Variants in PRICKLE1 observed in about 807,000 individuals in gnomAD.
PRICKLE1 encodes prickle planar cell polarity protein 1, also known as prickle-like protein 1.
A neutral mutation model predicts 70.2 loss-of-function variants in PRICKLE1; 14 were observed. The ratio of observed to expected loss-of-function variants is 0.20; its 90% CI spans 0.13 to 0.31. The LOEUF (loss-of-function observed/expected upper bound fraction) is 0.31. Among genes scored for constraint, PRICKLE1 ranks in the 10% least tolerant of loss-of-function variants. The probability of loss-of-function intolerance (pLI) is 1.00; values close to 1 mark genes in which losing one functional copy is unlikely to be tolerated. For synonymous variants in PRICKLE1, 357 were observed against 379.9 expected (o/e 0.94, Z 0.70); for missense variants, 821 against 1,026.2 (o/e 0.80, Z 2.73).
intron 1 of PRICKLE1, among the ~76,000 whole-genome samples, chr12:42,574,629 A>G (rs1566133015): frequency 2.6e-5 from 4 of 152,254 alleles, no homozygotes; most frequent in Non-Finnish European, 5.9e-5. Flanking sequence ...TAATATCACC[A>G]TATTGAAAAA....
chr12:42,555,025 G>A (rs1462366665), intron 1 of PRICKLE1, among the ~76,000 whole-genome samples: 5 of 152,032 alleles, frequency 3.3e-5, no homozygotes, highest in African/African-American at 9.7e-5. Flanking sequence ...TTCTCAGGCC[G>A]GGCGCAGTGG....
intron 7 of PRICKLE1, among the ~76,000 whole-genome samples, chr12:42,463,102 C>T (rs1937922491): frequency 6.6e-6 from 1 of 152,128 alleles, no homozygotes; most frequent in African/African-American, 2.4e-5. Context: ...AGGTGGATCA[C>T]CTGAGGTCAG....
At chr12:42,542,939 A>T (rs1177981206) in intron 1 of PRICKLE1, among the ~76,000 whole-genome samples, 1 of 152,182 alleles carries the variant, frequency 6.6e-6, no homozygotes, top group Non-Finnish European at 1.5e-5. Flanking sequence ...TTGGGAGGTG[A>T]TAGGTCATGA....
chr12:42,470,274 A>G lies in PRICKLE1; in HGVS notation c.218T>C (p.Leu73Ser). 1 of 1,613,944 alleles carries G rather than the reference A, an allele frequency of 6.2e-7. No individual in the cohort carries two copies. Among genetic ancestry groups the G allele is most frequent in the Non-Finnish European group, 8.5e-7 (1 of 1,179,824 alleles). The change falls in exon 3 of 8, where the codon TTG (leucine) becomes TCG (serine). Residue 73 changes from leucine to serine, a missense_variant. By Grantham distance (145) the Leu-to-Ser change is moderately radical (BLOSUM62 -2). Coordinates refer to ENST00000345127, the MANE Select transcript of PRICKLE1 (RefSeq NM_153026.3). ...ATTATCATGTGGTGGTAACTGGTAC[A>G]AAAGCTGTTTAATCCGATGCTTCTC... ...PGEKHRIKQL[L>S]YQLPPHDNEV...
chr12:42,567,796 C>CA (rs34315516), intron 1 of PRICKLE1, among the ~76,000 whole-genome samples: 28,326 of 118,194 alleles, frequency 0.24, 4,452 homozygotes, highest in African/African-American at 0.47. Flanking sequence ...CACTTCATCT[C>CA]AAAAAAAAAA....
chr12:42,479,381 C>T (rs1035288155), intron 1 of PRICKLE1, among the ~76,000 whole-genome samples: 4 of 152,182 alleles, frequency 2.6e-5, no homozygotes, highest in Admixed American at 6.5e-5. Flanking sequence ...CCTCCAATAC[C>T]ATACACATAG....
chr12:42,573,188 C>T (rs373173781), intron 1 of PRICKLE1, among the ~76,000 whole-genome samples: 5 of 152,092 alleles, frequency 3.3e-5, no homozygotes, highest in South Asian at 2.1e-4. Flanking sequence ...ACTTGAGAAA[C>T]GAGAGCAATA....
At chr12:42,468,196 G>A (rs1463568629) in intron 5 of PRICKLE1, among the ~76,000 whole-genome samples, 1 of 152,132 alleles carries the variant, frequency 6.6e-6, no homozygotes, top group East Asian at 1.9e-4. Context: ...CCTTCCCCGA[G>A]GGTAACTACT....
intron 1 of PRICKLE1, among the ~76,000 whole-genome samples, chr12:42,528,938 G>A (rs1405194107): frequency 6.6e-6 from 1 of 152,114 alleles, no homozygotes; most frequent in Non-Finnish European, 1.5e-5. Flanking sequence ...TTCTTCATAT[G>A]GAAACCAAAA....
chr12:42,508,285 A>G (rs1939453844), intron 1 of PRICKLE1, among the ~76,000 whole-genome samples: 1 of 152,170 alleles, frequency 6.6e-6, no homozygotes, highest in Admixed American at 6.5e-5. Context: ...ATCGGCAATA[A>G]CCTTAGCACA....
chr12:42,460,539 T>A lies in PRICKLE1; in HGVS notation c.1766A>T (p.His589Leu), dbSNP rs1937787996. The change falls in exon 8 of 8, where the codon CAC becomes CTC. Residue 589 changes from histidine to leucine, a missense_variant. Coordinates refer to ENST00000345127, the MANE Select transcript of PRICKLE1 (RefSeq NM_153026.3). Reference sequence around the variant, plus strand: ...ACTCTTTAAGGACTCTGCACTCCTGTGCAGCATGGAAGAGTTCAAAGTTCC... The same window carrying A: ...ACTCTTTAAGGACTCTGCACTCCTGAGCAGCATGGAAGAGTTCAAAGTTCC... Reference protein sequence around the residue: ...NMGTLNSSMLHRSAESLKSLS... With the variant: ...NMGTLNSSMLLRSAESLKSLS... The A allele has an allele frequency of 6.2e-7, 1 of 1,614,168 alleles. No individual in the cohort carries two copies.
chr12:42,516,849 C>T (rs1050835729), intron 1 of PRICKLE1, among the ~76,000 whole-genome samples: 1 of 152,178 alleles, frequency 6.6e-6, no homozygotes, highest in African/African-American at 2.4e-5. Flanking sequence ...CTTTGGCTAA[C>T]CAGATTCTTC....
chr12:42,586,246 G>C (rs947822325), intron 1 of PRICKLE1, among the ~76,000 whole-genome samples: 1 of 152,084 alleles, frequency 6.6e-6, no homozygotes, highest in African/African-American at 2.4e-5. Flanking sequence ...CACTAATAAG[G>C]GTTAAACAGT....
chr12:42,555,440 A>G (rs1455740363), intron 1 of PRICKLE1, among the ~76,000 whole-genome samples: 2 of 152,232 alleles, frequency 1.3e-5, no homozygotes, highest in African/African-American at 4.8e-5. Flanking sequence ...TTTATGTAAG[A>G]GTATAAAATC....
At chr12:42,485,786 A>T (rs1205846752) in intron 1 of PRICKLE1, among the ~76,000 whole-genome samples, 1 of 152,234 alleles carries the variant, frequency 6.6e-6, no homozygotes, top group East Asian at 1.9e-4. Flanking sequence ...TATCACTATT[A>T]AATGTCAGCC....
chr12:42,547,239 C>G (rs1442700073), intron 1 of PRICKLE1, among the ~76,000 whole-genome samples: 1 of 152,170 alleles, frequency 6.6e-6, no homozygotes, highest in African/African-American at 2.4e-5. Context: ...TTCCTAGCAA[C>G]TACTACTAGG....
intron 1 of PRICKLE1, among the ~76,000 whole-genome samples, chr12:42,503,969 A>C (rs1939359907): frequency 6.6e-6 from 1 of 152,194 alleles, no homozygotes; most frequent in African/African-American, 2.4e-5. Flanking sequence ...GACCAACTTT[A>C]GCTTAAATTC....
At chr12:42,525,945 A>G (rs4768419) in intron 1 of PRICKLE1, among the ~76,000 whole-genome samples, 50,809 of 152,148 alleles carry the variant, frequency 0.33, 10,270 homozygotes, top group East Asian at 0.51. Context: ...GCAAAAGACA[A>G]AGAGGAGATG....
chr12:42,494,599 G>A (rs1319219713), intron 1 of PRICKLE1, among the ~76,000 whole-genome samples: 1 of 152,018 alleles, frequency 6.6e-6, no homozygotes, highest in Non-Finnish European at 1.5e-5. Flanking sequence ...TTGAAGTCAG[G>A]AGTTTGAGAC....
Sources: allele counts gnomAD v4.1 joint callset (sites outside exome capture counted in the v4.1 genomes callset), GRCh38; gene constraint gnomAD v4.1.1; transcripts MANE v1.5; gene names NCBI Gene and HGNC (gene_info 2026-07-23, HGNC 2026-07-21).